NPAS2: variants seen among roughly 807,000 people sequenced by gnomAD.
NPAS2 encodes neuronal PAS domain-containing protein 2.
Under a neutral mutation model 107.5 loss-of-function variants are expected in NPAS2, and 23 were observed. The observed-to-expected ratio is 0.21, with a 90% CI of 0.15 to 0.30. The LOEUF is 0.30. Ranked by LOEUF, NPAS2 falls within the 10% of genes least tolerant of loss-of-function variation. The pLI is 1.00. For missense variants in NPAS2, 756 were observed against 1,043.3 expected, an observed-to-expected ratio of 0.72 and a Z score of 3.79; for synonymous variants, 403 against 417.5, an observed-to-expected ratio of 0.97 and a Z score of 0.42.
At chr2:100,846,152 A>G (rs964025252) in intron 1 of NPAS2, among the ~76,000 whole-genome samples, 12 of 151,946 alleles carry the variant, frequency 7.9e-5, no homozygotes, top group African/African-American at 2.9e-4. Flanking sequence ...CCCCTCCCCC[A>G]TGGTTTTCTG....
At chr2:100,989,465 A>C (rs894911033) in intron 17 of NPAS2, 2 of 152,270 alleles carry the variant, frequency 1.3e-5, no homozygotes, top group African/African-American at 2.4e-5. Context: ...AGAGCTAAGA[A>C]AATTTTGGAA....
At chr2:100,860,394 G>T (rs1428513296) in intron 1 of NPAS2, among the ~76,000 whole-genome samples, 1 of 152,200 alleles carries the variant, frequency 6.6e-6, no homozygotes, top group Non-Finnish European at 1.5e-5. Flanking sequence ...GATTAAGGCG[G>T]TATCTGCCAG....
intron 1 of NPAS2, chr2:100,847,133 T>C (rs890815713): frequency 3.3e-5 from 5 of 152,240 alleles, no homozygotes; most frequent in African/African-American, 7.2e-5. Flanking sequence ...GTTGGTGATA[T>C]TGTTGGGACT....
chr2:100,990,424 T>C lies in NPAS2; in HGVS notation c.1996T>C (p.Phe666Leu). The change falls in exon 18 of 21, where the codon TTC (phenylalanine) becomes CTC (leucine). Residue 666 changes from phenylalanine to leucine, a missense_variant. Transcript: ENST00000335681. Reference sequence around the variant, plus strand: ...CAGCCAGTGCCAGCCCAGCCCAGACTTCAGCCATGATCGGCAGCTCAGGTA... The same window carrying C: ...CAGCCAGTGCCAGCCCAGCCCAGACCTCAGCCATGATCGGCAGCTCAGGTA... ...DASQCQPSPD[F>L]SHDRQLRLLL... 6.2e-7 allele frequency: 1 copy of C among 1,614,116 alleles called. No homozygotes were observed. The highest frequency in any genetic ancestry group is 2.2e-5 in the East Asian group (1 of 44,878).
intron 11 of NPAS2, chr2:100,970,667 C>T (rs539802609): frequency 4.3e-6 from 1 of 233,926 alleles, no homozygotes; most frequent in Non-Finnish European, 8.2e-6. Context: ...AAGCTTATCC[C>T]ATAGACGAAA....
chr2:100,968,467 G>A lies in NPAS2; in HGVS notation c.1055+39G>A, dbSNP rs767926720. On this transcript the variant is annotated intron_variant, in intron 11 of 20. Coordinates refer to ENST00000335681, the MANE Select transcript of NPAS2 (RefSeq NM_002518.4). The surrounding 1 kb of genome is among the most constrained non-coding windows in gnomAD (Gnocchi z 5.3). ...GCAGGGGTGCGGCTGCGTCCTTGTC[G>A]CACCTGGGGGAGGGGTGCAGGATGG... The A allele has an allele frequency of 1.6e-5, 25 of 1,599,302 alleles. 1 individual carries two copies. In the South Asian group the frequency reaches 2.1e-4, roughly 13 times the overall value.
intron 1 of NPAS2, among the ~76,000 whole-genome samples, chr2:100,890,497 TACC>T (rs1680981981): frequency 6.6e-6 from 1 of 152,102 alleles, no homozygotes; most frequent in African/African-American, 2.4e-5. Flanking sequence ...CTCTGGGCAG[TACC>T]ACAGGTGTCC....
At chr2:100,917,938 G>A (rs934304101) in intron 2 of NPAS2, among the ~76,000 whole-genome samples, 2 of 152,120 alleles carry the variant, frequency 1.3e-5, no homozygotes, top group African/African-American at 4.8e-5. Context: ...ATACTTTGGA[G>A]TTTATTTTAT....
chr2:100,944,016 C>G (rs780307924), intron 5 of NPAS2, among the ~76,000 whole-genome samples: 3 of 152,130 alleles, frequency 2.0e-5, no homozygotes, highest in Non-Finnish European at 4.4e-5. Context: ...CCTTTTATAT[C>G]TCAATTAATT....
At chr2:100,867,538 AT>A (rs1454624810) in intron 1 of NPAS2, among the ~76,000 whole-genome samples, 1 of 151,962 alleles carries the variant, frequency 6.6e-6, no homozygotes, top group Non-Finnish European at 1.5e-5. Context: ...TTTACCTGGT[AT>A]TTGTTTTTTC....
At chr2:100,921,105 G>A (rs575898793) in intron 2 of NPAS2, among the ~76,000 whole-genome samples, 1 of 152,348 alleles carries the variant, frequency 6.6e-6, no homozygotes, top group Non-Finnish European at 1.5e-5. Flanking sequence ...TGGGTCCGTA[G>A]GTCCATAACA....
intron 1 of NPAS2, among the ~76,000 whole-genome samples, chr2:100,892,652 A>G (rs1681148061): frequency 6.6e-6 from 1 of 152,130 alleles, no homozygotes; most frequent in South Asian, 2.1e-4. Context: ...TTGGAGGGGA[A>G]TTGGGATTGC....
Position 100,975,401 on chromosome 2 carries a change from G to A in NPAS2, c.1283-57G>A, listed in dbSNP as rs192338234. The A allele has an allele frequency of 9.1e-5, 134 of 1,469,964 alleles. No homozygotes were observed. The African/African-American group carries it at 1.4e-3, about 16-fold the overall frequency. The allele number at this position is 1,469,964 out of a possible 1,614,324, so 91.1% of individuals were successfully genotyped here. A position where few individuals can be genotyped will look rare whatever the true frequency, so the allele number is the denominator to read the frequency against. ...CACCACGGTCATGGGTCCCCTCTTC[G>A]GATGAGTACATGCTAAGTACATGGA... is the stretch of plus-strand genomic sequence containing the variant. On this transcript the variant is annotated intron_variant, in intron 13 of 20. Coordinates refer to ENST00000335681, the MANE Select transcript of NPAS2 (RefSeq NM_002518.4).
intron 1 of NPAS2, among the ~76,000 whole-genome samples, chr2:100,839,770 A>G (rs1017353155): frequency 3.3e-5 from 5 of 151,984 alleles, no homozygotes; most frequent in African/African-American, 7.2e-5. Flanking sequence ...TTATGCTTTC[A>G]TTTTATTTTT....
At chr2:100,869,622 G>A (rs1679443058) in intron 1 of NPAS2, among the ~76,000 whole-genome samples, 1 of 152,190 alleles carries the variant, frequency 6.6e-6, no homozygotes, top group Admixed American at 6.5e-5. Flanking sequence ...AAAAAGGCAT[G>A]TTCCCTTCCT....
intron 1 of NPAS2, among the ~76,000 whole-genome samples, chr2:100,886,472 C>T (rs1193438486): frequency 6.6e-6 from 1 of 152,082 alleles, no homozygotes; most frequent in Non-Finnish European, 1.5e-5. Flanking sequence ...TTTAAATATG[C>T]CTTTGGAGTT....
At chr2:100,856,135 C>A (rs1487079876) in intron 1 of NPAS2, among the ~76,000 whole-genome samples, 1 of 152,198 alleles carries the variant, frequency 6.6e-6, no homozygotes, top group Non-Finnish European at 1.5e-5. Context: ...CCATCCAAAA[C>A]CAGAACAGAA....
chr2:100,856,369 G>A (rs1678555464), intron 1 of NPAS2, among the ~76,000 whole-genome samples: 1 of 152,190 alleles, frequency 6.6e-6, no homozygotes. Context: ...GGCTCCCAAT[G>A]CTGTCTGCTT....
intron 1 of NPAS2, among the ~76,000 whole-genome samples, chr2:100,834,015 G>A (rs775023087): frequency 2.0e-5 from 3 of 152,128 alleles, no homozygotes; most frequent in Non-Finnish European, 4.4e-5. Flanking sequence ...TGATCATCTG[G>A]TACAACGTGG....
Sources: allele counts gnomAD v4.1 joint callset (sites outside exome capture counted in the v4.1 genomes callset), GRCh38; gene constraint gnomAD v4.1.1; non-coding constraint Gnocchi (gnomAD v3.1); transcripts MANE v1.5; gene names NCBI Gene and HGNC (gene_info 2026-07-23, HGNC 2026-07-21).